LRRC7: variants seen among roughly 807,000 people sequenced by gnomAD.
LRRC7 encodes the protein leucine-rich repeat-containing protein 7.
LRRC7 carries 23 observed loss-of-function variants against 175.7 expected under a neutral mutation model. That is an observed-to-expected ratio of 0.13 (90% CI 0.09 to 0.19). The LOEUF (loss-of-function observed/expected upper bound fraction) is 0.19. Ranked by LOEUF, LRRC7 falls within the 10% of genes least tolerant of loss-of-function variation. LRRC7 has a pLI of 1.00. For missense variants in LRRC7, 1,354 were observed against 1,904.7 expected (o/e 0.71, Z 5.38); for synonymous variants, 685 against 680.9 (o/e 1.01, Z -0.09).
At chr1:69,779,494 T>C (rs1157122497) in intron 3 of LRRC7, among the ~76,000 whole-genome samples, 5 of 152,208 alleles carry the variant, frequency 3.3e-5, no homozygotes, top group Non-Finnish European at 7.3e-5. Flanking sequence ...CAAATTATTA[T>C]TGAATACAGT....
intron 1 of LRRC7, among the ~76,000 whole-genome samples, chr1:69,629,088 G>A (rs1652059336): frequency 6.6e-6 from 1 of 151,936 alleles, no homozygotes; most frequent in Non-Finnish European, 1.5e-5. Context: ...TAACACCAAA[G>A]GCATGATCAA....
At chr1:69,997,907 T>C (rs544129709) in intron 11 of LRRC7, among the ~76,000 whole-genome samples, 5 of 152,310 alleles carry the variant, frequency 3.3e-5, no homozygotes, top group Non-Finnish European at 7.3e-5. Context: ...AGGATGATGC[T>C]GGCCTCATAA....
At position 69,744,226 on chromosome 1, in the gene LRRC7, C is replaced by G. The variant is rs550820259; in HGVS notation, c.101-15965C>G. ...TTATTTCCAAGTGCCAATCTTTTCC[C>G]CTGCTTCAAAACCATATGCTCTCAA... On this transcript the variant is annotated intron_variant, in intron 2 of 26. Coordinates refer to ENST00000651989, the MANE Select transcript of LRRC7 (RefSeq NM_001370785.2). Among the ~76,000 whole-genome samples, 9 of 151,852 alleles carry G rather than the reference C, an allele frequency of 5.9e-5. No homozygotes were observed. The South Asian group carries it at 1.0e-3, about 18-fold the overall frequency.
chr1:69,999,725 C>T (rs1256652365), intron 11 of LRRC7, among the ~76,000 whole-genome samples: 4 of 152,022 alleles, frequency 2.6e-5, no homozygotes, highest in Non-Finnish European at 5.9e-5. Context: ...AAGAGGGCGA[C>T]CAGCATGAGA....
intron 7 of LRRC7, among the ~76,000 whole-genome samples, chr1:69,922,606 A>T (rs1200157446): frequency 2.0e-5 from 3 of 152,146 alleles, no homozygotes; most frequent in Admixed American, 2.0e-4. Context: ...ATTTTGAGTG[A>T]TAAATGGGTA....
intron 1 of LRRC7, among the ~76,000 whole-genome samples, chr1:69,577,023 G>A (rs926369881): frequency 5.9e-5 from 9 of 152,064 alleles, no homozygotes; most frequent in Admixed American, 2.0e-4. Context: ...TTGTTTACTC[G>A]CTTTTTCTGC....
At chr1:69,941,680 A>G (rs574436442) in intron 8 of LRRC7, among the ~76,000 whole-genome samples, 94 of 152,200 alleles carry the variant, frequency 6.2e-4, no homozygotes, top group African/African-American at 2.0e-3. Context: ...CAAATTTTAA[A>G]TTACAAATAA....
chr1:69,880,761 T>TA (rs1455607197), intron 7 of LRRC7, among the ~76,000 whole-genome samples: 6 of 146,342 alleles, frequency 4.1e-5, no homozygotes, highest in African/African-American at 1.6e-4. Flanking sequence ...TTGTCATATA[T>TA]AAGGAAAAAA....
At chr1:69,848,162 CAA>C (rs879296368) in intron 7 of LRRC7, among the ~76,000 whole-genome samples, 6 of 152,036 alleles carry the variant, frequency 3.9e-5, no homozygotes, top group Non-Finnish European at 8.8e-5. Flanking sequence ...TTTTGCAAGG[CAA>C]AGTTTCCATG....
intron 9 of LRRC7, among the ~76,000 whole-genome samples, chr1:69,984,379 T>G (rs948358633): frequency 2.0e-4 from 30 of 152,150 alleles, no homozygotes; most frequent in Admixed American, 3.9e-4. Flanking sequence ...TGTAATAAAT[T>G]TATGTATTTA....
chr1:69,866,375 A>G (rs544081537), intron 7 of LRRC7, among the ~76,000 whole-genome samples: 82 of 152,270 alleles, frequency 5.4e-4, no homozygotes, highest in African/African-American at 1.9e-3. Flanking sequence ...ATCAAACTGG[A>G]GGGAAAGTGG....
At chr1:69,738,721 A>G (rs1668387566) in intron 2 of LRRC7, among the ~76,000 whole-genome samples, 1 of 152,112 alleles carries the variant, frequency 6.6e-6, no homozygotes, top group Admixed American at 6.6e-5. Flanking sequence ...AAGGCCTCCC[A>G]GGGAGAGTTT....
At chr1:69,944,436 A>AT (rs1649086773) in intron 8 of LRRC7, among the ~76,000 whole-genome samples, 2 of 152,106 alleles carry the variant, frequency 1.3e-5, no homozygotes, top group Admixed American at 1.3e-4. Flanking sequence ...TCACTTATAC[A>AT]TCCCAGCTAT....
At chr1:69,700,970 G>A (rs958954439) in intron 2 of LRRC7, among the ~76,000 whole-genome samples, 2 of 151,994 alleles carry the variant, frequency 1.3e-5, no homozygotes, top group South Asian at 2.1e-4. Flanking sequence ...ACTGTCCTGC[G>A]CCCCCTTGTG....
At chr1:69,751,310 T>C (rs1669821632) in intron 2 of LRRC7, among the ~76,000 whole-genome samples, 1 of 152,124 alleles carries the variant, frequency 6.6e-6, no homozygotes. Context: ...ACCTAACATA[T>C]AGTAGACAAT....
chr1:69,760,993 G>GCA (rs1388667965), intron 3 of LRRC7, among the ~76,000 whole-genome samples: 6 of 150,930 alleles, frequency 4.0e-5, no homozygotes, highest in East Asian at 2.0e-4. Flanking sequence ...GTGCACACCT[G>GCA]CACACACACA....
chr1:69,921,266 GA>G (rs1391411031), intron 7 of LRRC7, among the ~76,000 whole-genome samples: 2 of 152,100 alleles, frequency 1.3e-5, no homozygotes, highest in African/African-American at 4.8e-5. Context: ...AGGTAGAGTA[GA>G]TAAGATTTTA....
At chr1:69,967,858 C>A (rs1163028761) in intron 8 of LRRC7, among the ~76,000 whole-genome samples, 1 of 152,084 alleles carries the variant, frequency 6.6e-6, no homozygotes, top group Non-Finnish European at 1.5e-5. Context: ...GAAAAGGAAC[C>A]AGGAAACCAA....
intron 23 of LRRC7, among the ~76,000 whole-genome samples, chr1:70,065,821 T>A (rs145979333): frequency 3.2e-4 from 48 of 152,086 alleles, no homozygotes; most frequent in South Asian, 1.0e-3. Context: ...AGAGGCCACA[T>A]CTCAACATCT....
Sources: allele counts gnomAD v4.1 joint callset (sites outside exome capture counted in the v4.1 genomes callset), GRCh38; gene constraint gnomAD v4.1.1; transcripts MANE v1.5; gene names NCBI Gene and HGNC (gene_info 2026-07-23, HGNC 2026-07-21).